GALNT17: variants seen among roughly 807,000 people sequenced by gnomAD.
GALNT17 encodes the protein polypeptide N-acetylgalactosaminyltransferase 17, also known as UDP-GalNAc:polypeptide N-acetylgalactosaminyltransferase-like 3.
GALNT17 carries 29 observed loss-of-function variants against 63.7 expected under a neutral mutation model. The observed-to-expected ratio is 0.46, with a 90% CI of 0.34 to 0.62. GALNT17 has a LOEUF of 0.62. Ranked by LOEUF, GALNT17 falls within the 20% of genes least tolerant of loss-of-function variation. The pLI, the probability that GALNT17 is intolerant of heterozygous loss-of-function variation, is 0.01. For synonymous variants in GALNT17, 305 were observed against 318.3 expected, an observed-to-expected ratio of 0.96 and a Z score of 0.45; for missense variants, 603 against 799.6, an observed-to-expected ratio of 0.75 and a Z score of 2.97.
In GALNT17 at chr7:71,535,153, A is replaced by G. The variant is rs116241017; in HGVS notation, c.963-36132A>G. ...TTCCTTGTCATCCTTCAAGAGGACA[A>G]AAATGTTGTGTTTTAAGAGGGAGGC... On this transcript the variant is annotated intron_variant, in intron 5 of 10. Transcript: ENST00000333538. Among the ~76,000 whole-genome samples, 996 of 152,306 alleles carry G rather than the reference A, an allele frequency of 6.5e-3. 15 individuals carry two copies. The highest frequency in any genetic ancestry group is 0.023 in the African/African-American group (963 of 41,558).
At chr7:71,519,216 G>A (rs909854369) in intron 5 of GALNT17, among the ~76,000 whole-genome samples, 2 of 152,120 alleles carry the variant, frequency 1.3e-5, no homozygotes, top group Non-Finnish European at 2.9e-5. Context: ...AGGGATGCAG[G>A]ATTCGAGAGG....
intron 1 of GALNT17, among the ~76,000 whole-genome samples, chr7:71,240,601 A>G (rs995266373): frequency 2.0e-5 from 3 of 152,028 alleles, no homozygotes; most frequent in Middle Eastern, 3.2e-3. Context: ...CGCAAAGGCC[A>G]TGGTTTTGTT....
intron 3 of GALNT17, among the ~76,000 whole-genome samples, chr7:71,394,112 C>A (rs974597808): frequency 6.6e-6 from 1 of 152,120 alleles, no homozygotes; most frequent in Non-Finnish European, 1.5e-5. Context: ...ACACACGGTT[C>A]TGTAGACTGT....
At chr7:71,397,692 T>C (rs2960876) in intron 3 of GALNT17, among the ~76,000 whole-genome samples, 117,331 of 152,074 alleles carry the variant, frequency 0.77, 45,504 homozygotes, top group African/African-American at 0.81. Context: ...CTCCCTTCAC[T>C]GTCTTCTTGT....
At chr7:71,586,976 T>G (rs1189745203) in intron 6 of GALNT17, among the ~76,000 whole-genome samples, 1 of 152,164 alleles carries the variant, frequency 6.6e-6, no homozygotes, top group Non-Finnish European at 1.5e-5. Context: ...AACTGTATGT[T>G]TGTATCCATT....
rs549742727 is a variant in GALNT17, at chr7:71,211,066, A to G, written c.238+78026A>G. Reference sequence around the variant, plus strand: ...TTACTAAACCATATTACTAAATTCTAGTGACCTGATTTTATGGTATACCAC... The same window carrying G: ...TTACTAAACCATATTACTAAATTCTGGTGACCTGATTTTATGGTATACCAC... On this transcript the variant is annotated intron_variant, in intron 1 of 10. Coordinates refer to ENST00000333538, the MANE Select transcript of GALNT17 (RefSeq NM_022479.3). Among the ~76,000 whole-genome samples, 3 of 152,270 alleles carry G rather than the reference A, an allele frequency of 2.0e-5. No individual in the cohort carries two copies. In the South Asian group the frequency reaches 6.2e-4, roughly 32 times the overall value.
chr7:71,163,882 C>T (rs1288785782), intron 1 of GALNT17, among the ~76,000 whole-genome samples: 2 of 152,200 alleles, frequency 1.3e-5, no homozygotes, highest in Non-Finnish European at 2.9e-5. Context: ...ATTTTAGAAT[C>T]TCATCTTTGC....
intron 1 of GALNT17, among the ~76,000 whole-genome samples, chr7:71,298,753 A>T (rs1791132583): frequency 6.6e-6 from 1 of 150,752 alleles, no homozygotes; most frequent in Non-Finnish European, 1.5e-5. Context: ...TATGTGTGTG[A>T]ATGTGTACAC....
intron 6 of GALNT17, among the ~76,000 whole-genome samples, chr7:71,573,310 T>TTTAA (rs1185928706): frequency 5.3e-5 from 8 of 151,684 alleles, no homozygotes; most frequent in East Asian, 3.9e-4. Flanking sequence ...ATGCCTGGCC[T>TTTAA]TTAATTAATT....
intron 3 of GALNT17, among the ~76,000 whole-genome samples, chr7:71,405,274 T>C (rs180739823): frequency 1.6e-4 from 24 of 152,222 alleles, no homozygotes; most frequent in African/African-American, 5.8e-4. Context: ...CACTTACAAA[T>C]GGTGTGACCT....
At chr7:71,269,294 A>G (rs1436502277) in intron 1 of GALNT17, among the ~76,000 whole-genome samples, 2 of 152,112 alleles carry the variant, frequency 1.3e-5, no homozygotes, top group African/African-American at 2.4e-5. Context: ...GTGAGACCCT[A>G]TCTCTACAAA....
chr7:71,621,521 G>GGATT (rs1562713212), intron 6 of GALNT17, among the ~76,000 whole-genome samples: 1 of 112,654 alleles, frequency 8.9e-6, no homozygotes, highest in East Asian at 2.7e-4. Flanking sequence ...ATGGATGGAT[G>GGATT]GATGGATGGA....
Position 71,388,417 on chromosome 7 carries a change from A to G in GALNT17, c.589+16A>G. The G allele has an allele frequency of 6.2e-7, 1 of 1,612,080 alleles. No homozygotes were observed. The highest frequency in any genetic ancestry group is 8.5e-7 in the Non-Finnish European group (1 of 1,178,750). On this transcript the variant is annotated intron_variant, in intron 3 of 10. Coordinates refer to ENST00000333538, the MANE Select transcript of GALNT17 (RefSeq NM_022479.3). The stretch of plus-strand genomic sequence containing the variant: ...AGCGACGAAGGTACAGGGGTGGCTG[A>G]CCTGTGCACAGGACATGATGACAGC...
chr7:71,519,228 G>T (rs1788488408), intron 5 of GALNT17, among the ~76,000 whole-genome samples: 1 of 152,136 alleles, frequency 6.6e-6, no homozygotes. Flanking sequence ...TTCGAGAGGG[G>T]TAGGGAGGAG....
chr7:71,368,716 C>T (rs55846443), intron 2 of GALNT17, among the ~76,000 whole-genome samples: 1,670 of 152,142 alleles, frequency 0.011, 31 homozygotes, highest in African/African-American at 0.038. Flanking sequence ...TTTGCTTGCC[C>T]ATAATTGATG....
intron 6 of GALNT17, among the ~76,000 whole-genome samples, chr7:71,573,432 G>A (rs1789484963): frequency 6.6e-6 from 1 of 151,986 alleles, no homozygotes; most frequent in African/African-American, 2.4e-5. Context: ...CTGGGTTCAC[G>A]CCATTCTCCC....
rs1583790838 is a variant in GALNT17, at chr7:71,242,167, A to G, written c.239-93383A>G. On this transcript the variant is annotated intron_variant, in intron 1 of 10. Coordinates refer to ENST00000333538, the MANE Select transcript of GALNT17 (RefSeq NM_022479.3). The stretch of plus-strand genomic sequence containing the variant: ...GCTCAATTCAATGAGGAGGGCACCA[A>G]GCCATTCATGAGGGATCTGTCTCCA... Among the ~76,000 whole-genome samples the G allele has an allele frequency of 7.3e-5, 11 of 151,668 alleles. No homozygotes were observed. In the South Asian group the frequency reaches 2.3e-3, roughly 32 times the overall value.
intron 6 of GALNT17, among the ~76,000 whole-genome samples, chr7:71,594,160 A>G (rs181751784): frequency 5.5e-4 from 83 of 152,242 alleles, no homozygotes; most frequent in Non-Finnish European, 9.9e-4. Context: ...TCAAAGGAAA[A>G]TTATGCGGGA....
rs1315115939 is a variant in GALNT17 at position 71,436,309 on chromosome 7, C to G, written c.962+15204C>G. On this transcript the variant is annotated intron_variant, in intron 5 of 10. Coordinates refer to ENST00000333538, the MANE Select transcript of GALNT17 (RefSeq NM_022479.3). ...TGAGCTGTAATCATTCCACTGCACA[C>G]CAGCCTTGGCAACTGAGTGAAACCC... Among the ~76,000 whole-genome samples the G allele has an allele frequency of 2.6e-5, 4 of 152,064 alleles. No homozygotes were observed. In the South Asian group the frequency reaches 6.2e-4, roughly 24 times the overall value.
Sources: allele counts gnomAD v4.1 joint callset (sites outside exome capture counted in the v4.1 genomes callset), GRCh38; gene constraint gnomAD v4.1.1; transcripts MANE v1.5; gene names NCBI Gene and HGNC (gene_info 2026-07-23, HGNC 2026-07-21).